Variants in PCDHA1 observed in about 807,000 individuals in gnomAD.
PCDHA1 encodes the protein protocadherin alpha-1.
In PCDHA1, 42 loss-of-function variants were observed where a neutral mutation model predicts 61.3. The observed-to-expected ratio is 0.69, with a 90% CI of 0.54 to 0.89. The LOEUF is 0.89. Ranked by LOEUF, PCDHA1 falls within the 40% of genes least tolerant of loss-of-function variation. PCDHA1 has a pLI of 0.00. For synonymous variants in PCDHA1, 610 were observed against 553.8 expected (o/e 1.10, Z -1.43); for missense variants, 1,256 against 1,235.3 (o/e 1.02, Z -0.25).
intron 1 of PCDHA1, 66 bp from the exon 2 acceptor site, chr5:140,978,883 T>C: frequency 6.2e-7 from 1 of 1,611,182 alleles, no homozygotes; most frequent in Non-Finnish European, 8.5e-7. Flanking sequence ...ACTAATCAAT[T>C]AGCAGCATTC....
At chr5:140,845,370 T>G (rs1032525596) in intron 1 of PCDHA1, among the ~76,000 whole-genome samples, 1 of 149,690 alleles carries the variant, frequency 6.7e-6, no homozygotes, top group African/African-American at 2.4e-5. Flanking sequence ...CAAAATATCA[T>G]AAATAGGAGG....
chr5:140,870,801 G>T (rs1210285882), intron 1 of PCDHA1: 6 of 1,613,670 alleles, frequency 3.7e-6, no homozygotes, highest in Non-Finnish European at 5.1e-6. Context: ...CACTGCTGGC[G>T]ACTCAGGCTG....
intron 3 of PCDHA1, among the ~76,000 whole-genome samples, chr5:140,996,661 G>A (rs1554255301): frequency 6.6e-6 from 1 of 152,194 alleles, no homozygotes; most frequent in Admixed American, 6.5e-5. Context: ...GTGCAGGCTA[G>A]TTTTTGAACC....
chr5:140,858,142 G>A lies in PCDHA1; in HGVS notation c.2394+69458G>A, dbSNP rs782422253. 2.5e-6 allele frequency: 4 copies of A among 1,597,702 alleles called. No individual in the cohort carries two copies. The South Asian group carries it at 3.3e-5, about 13-fold the overall frequency. On this transcript the variant is annotated intron_variant, in intron 1 of 3. Transcript: ENST00000504120. The stretch of plus-strand genomic sequence containing the variant: ...CCCTGGTGGATGTCAACGTGTACCT[G>A]ATCATCGCCATCTGCGCGGTGTCCA...
chr5:140,948,943 A>G (rs2094326850), intron 1 of PCDHA1, among the ~76,000 whole-genome samples: 1 of 71,272 alleles, frequency 1.4e-5, no homozygotes, highest in African/African-American at 4.3e-5. Context: ...CTTCTAATAT[A>G]AAAAAATTAA....
chr5:140,826,679 A>T (rs184040135), intron 1 of PCDHA1, among the ~76,000 whole-genome samples: 11 of 152,308 alleles, frequency 7.2e-5, no homozygotes, highest in East Asian at 5.8e-4. Flanking sequence ...GACGTAATTA[A>T]AAAAACCCAG....
intron 3 of PCDHA1, among the ~76,000 whole-genome samples, chr5:141,004,011 CT>C (rs1220756747): frequency 2.6e-4 from 40 of 152,200 alleles, no homozygotes; most frequent in African/African-American, 9.4e-4. Context: ...GGAGGCAGCA[CT>C]GAAAGAAGAA....
In PCDHA1 at chr5:140,788,225, C is replaced by G; in HGVS notation, c.1935C>G (p.Tyr645Ter). The change falls in exon 1 of 4, where the codon TAC (tyrosine) becomes TAG (stop). Residue 645 changes from tyrosine (Y) to a stop codon, truncating the protein, a stop_gained. Coordinates refer to ENST00000504120, the MANE Select transcript of PCDHA1 (RefSeq NM_018900.4). LOFTEE classifies it high-confidence loss of function. ...TGGACGAGGCTGACTTGTCGCGCTA[C>G]CGCCTTCTGGTGCTAGTGAAGGATC... Reference protein sequence around the residue: ...RVLDEADLSRYRLLVLVKDHG... With the variant: ...RVLDEADLSR The G allele has an allele frequency of 6.2e-7, 1 of 1,614,058 alleles. No individual in the cohort carries two copies. Among genetic ancestry groups the G allele is most frequent in the East Asian group, 2.2e-5 (1 of 44,884 alleles).
intron 1 of PCDHA1, chr5:140,861,473 T>A: frequency 2.0e-6 from 1 of 491,574 alleles, no homozygotes; most frequent in Non-Finnish European, 4.2e-6. Context: ...ATCTGCAGAA[T>A]GGCATTTTTG....
chr5:140,890,419 A>G (rs1168983784), intron 1 of PCDHA1, among the ~76,000 whole-genome samples: 4 of 152,212 alleles, frequency 2.6e-5, no homozygotes, highest in Non-Finnish European at 5.9e-5. Context: ...ATATTTATTT[A>G]GTTTATATTT....
At position 140,950,241 on chromosome 5, in the gene PCDHA1, G is replaced by A. The variant is rs191139851; in HGVS notation, c.2395-28708G>A. 3.8e-4 allele frequency among the ~76,000 whole-genome samples: 58 copies of A among 152,014 alleles called. 1 individual carries two copies. The highest frequency in any genetic ancestry group is 6.8e-3 in the Middle Eastern group (2 of 294). On this transcript the variant is annotated intron_variant, in intron 1 of 3. Coordinates refer to ENST00000504120, the MANE Select transcript of PCDHA1 (RefSeq NM_018900.4). The stretch of plus-strand genomic sequence containing the variant: ...TTACCATTTCTAGTGCCATTAATTT[G>A]TTCCTAAAGAGCTGAGTTTATCCAT...
chr5:140,875,363 A>G, intron 1 of PCDHA1: 1 of 1,449,052 alleles, frequency 6.9e-7, no homozygotes, highest in Non-Finnish European at 9.1e-7. Flanking sequence ...GATGCTGGAA[A>G]AAATTTACTA....
At chr5:140,851,689 TAA>T in intron 1 of PCDHA1, 1 of 934,422 alleles carries the variant, frequency 1.1e-6, no homozygotes, top group Non-Finnish European at 1.3e-6. Context: ...CATTCAGTGA[TAA>T]AATGATCAGC....
intron 1 of PCDHA1, among the ~76,000 whole-genome samples, chr5:140,918,873 C>A (rs774088807): frequency 2.0e-5 from 3 of 152,166 alleles, no homozygotes; most frequent in Non-Finnish European, 4.4e-5. Flanking sequence ...AACTTTCAAG[C>A]CTCTAGAACA....
rs376607115 is a variant in PCDHA1 at position 141,006,474 on chromosome 5, A to G, written c.2543-3153A>G. Among the ~76,000 whole-genome samples, 193 of 152,188 alleles carry G rather than the reference A, an allele frequency of 1.3e-3. 1 individual carries two copies. The highest frequency in any genetic ancestry group is 4.5e-3 in the African/African-American group (185 of 41,520). ...GAGATCTGCCTGTCTCGGCCTCCCA[A>G]AGTGCTGGGATTACATGTGTGAGCC... On this transcript the variant is annotated intron_variant, in intron 3 of 3. Transcript: ENST00000504120.
intron 1 of PCDHA1, chr5:140,870,835 A>G (rs1304748663): frequency 1.9e-6 from 3 of 1,613,670 alleles, no homozygotes; most frequent in Admixed American, 3.3e-5. Context: ...CGCAGTTAAC[A>G]AGCTAGTACC....
At chr5:140,985,067 A>C (rs2153836144) in intron 3 of PCDHA1, among the ~76,000 whole-genome samples, 1 of 152,116 alleles carries the variant, frequency 6.6e-6, no homozygotes, top group East Asian at 1.9e-4. Flanking sequence ...CCTCCTGAGT[A>C]GCTGAGACTA....
intron 1 of PCDHA1, chr5:140,836,819 C>A: frequency 1.8e-6 from 2 of 1,113,460 alleles, no homozygotes; most frequent in East Asian, 2.5e-5. Flanking sequence ...TTCATAATTT[C>A]TTTTTTAGTT....
intron 1 of PCDHA1, among the ~76,000 whole-genome samples, chr5:140,900,093 C>T (rs559553399): frequency 1.6e-4 from 24 of 152,202 alleles, no homozygotes; most frequent in Middle Eastern, 3.4e-3. Flanking sequence ...TACAAGCATG[C>T]GCCACCATAC....
Sources: gnomAD v4.1 joint callset for allele counts (sites outside exome capture counted in the v4.1 genomes callset) on GRCh38, gnomAD v4.1.1 for gene constraint, MANE v1.5 for transcripts, NCBI Gene and HGNC (gene_info 2026-07-23, HGNC 2026-07-21) for gene names.